TLE1: variants seen among roughly 807,000 people sequenced by gnomAD.
The protein encoded by TLE1 is transducin-like enhancer protein 1.
A neutral mutation model predicts 89.8 loss-of-function variants in TLE1; 21 were observed. That is an observed-to-expected ratio of 0.23 (90% CI 0.17 to 0.34). The LOEUF (loss-of-function observed/expected upper bound fraction) is 0.34, where lower values mean the gene tolerates loss of function less well. TLE1 is among the 10% of genes least tolerant of loss of function. The probability of loss-of-function intolerance (pLI) is 1.00; values close to 1 mark genes in which losing one functional copy is unlikely to be tolerated. For synonymous variants in TLE1, 447 were observed against 407.6 expected (o/e 1.10, Z -1.16); for missense variants, 795 against 1,031.2 (o/e 0.77, Z 3.14).
chr9:81,637,328 AG>A (rs771634197), intron 6 of TLE1, among the ~76,000 whole-genome samples: 2 of 152,230 alleles, frequency 1.3e-5, no homozygotes, highest in Non-Finnish European at 2.9e-5. Flanking sequence ...ACTGCACTCC[AG>A]CCTGGGTGAC....
intron 6 of TLE1, among the ~76,000 whole-genome samples, chr9:81,651,618 C>T (rs1410310865): frequency 6.6e-6 from 1 of 152,000 alleles, no homozygotes; most frequent in Admixed American, 6.6e-5. Flanking sequence ...TCTATAGGTT[C>T]GAATACCCCA....
chr9:81,656,910 A>T (rs1405843074), intron 4 of TLE1, among the ~76,000 whole-genome samples: 1 of 152,242 alleles, frequency 6.6e-6, no homozygotes, highest in Non-Finnish European at 1.5e-5. Flanking sequence ...GCATATTTTA[A>T]GTTGCAATGC....
intron 14 of TLE1, among the ~76,000 whole-genome samples, chr9:81,604,318 T>C (rs1481727234): frequency 6.6e-6 from 1 of 152,144 alleles, no homozygotes; most frequent in Non-Finnish European, 1.5e-5. Flanking sequence ...TGACAGGATC[T>C]GGATCTTAGT....
chr9:81,589,227 A>G (rs2131793270), intron 16 of TLE1, among the ~76,000 whole-genome samples: 1 of 152,004 alleles, frequency 6.6e-6, no homozygotes, highest in South Asian at 2.1e-4. Context: ...GACCTTTCTA[A>G]CTCATGAAAC....
chr9:81,608,797 C>T (rs1379658834), intron 14 of TLE1, among the ~76,000 whole-genome samples: 1 of 151,944 alleles, frequency 6.6e-6, no homozygotes, highest in Non-Finnish European at 1.5e-5. Context: ...ATTAGCCAGG[C>T]ATAGTGGCAT....
At chr9:81,619,388 C>T (rs1824952919) in intron 9 of TLE1, among the ~76,000 whole-genome samples, 1 of 152,296 alleles carries the variant, frequency 6.6e-6, no homozygotes, top group South Asian at 2.1e-4. Context: ...AGAGATACTA[C>T]AGCTGGCTCC....
intron 4 of TLE1, among the ~76,000 whole-genome samples, chr9:81,670,569 T>C (rs1285603538): frequency 6.6e-6 from 1 of 151,912 alleles, no homozygotes; most frequent in East Asian, 1.9e-4. Flanking sequence ...TCCTGACACC[T>C]TGTGATCTGC....
In TLE1 at chr9:81,613,447, G is replaced by C; in HGVS notation, c.993C>G (p.Thr331=). 6.2e-7 allele frequency: 1 copy of C among 1,614,196 alleles called. No homozygotes were observed. The highest frequency in any genetic ancestry group is 8.5e-7 in the Non-Finnish European group (1 of 1,180,034). ...TPRSDMPTPG[T]SATPGLRPGL... The stretch of plus-strand genomic sequence containing the variant: ...CTGGACGGAGGCCTGGAGTGGCGCT[G>C]GTGCCCGGCGTTGGCATGTCGCTCC... Residue 331 remains threonine (T), a synonymous_variant, in exon 12 of 20, where the codon ACC becomes ACG. Coordinates refer to ENST00000376499, the MANE Select transcript of TLE1 (RefSeq NM_005077.5).
chr9:81,674,555 C>A (rs1284655145), intron 4 of TLE1, among the ~76,000 whole-genome samples: 1 of 152,202 alleles, frequency 6.6e-6, no homozygotes, highest in Non-Finnish European at 1.5e-5. Context: ...AATCAGAGTC[C>A]TTTTGCAAAA....
chr9:81,620,947 T>C (rs762328282), intron 8 of TLE1: 3 of 513,772 alleles, frequency 5.8e-6, no homozygotes, highest in Admixed American at 2.0e-5. Flanking sequence ...TTAGACATAT[T>C]CTTTAACTGT....
chr9:81,584,406 CTG>C, intron 19 of TLE1, 40 bp downstream of exon 19: 1 of 1,612,688 alleles, frequency 6.2e-7, no homozygotes. Flanking sequence ...AGAGGCGACA[CTG>C]TGGTCAAACT....
In TLE1 at chr9:81,685,868, T is replaced by C. The variant is rs1834204018; in HGVS notation, c.154A>G (p.Ser52Gly). 3 of 1,613,718 alleles carry C rather than the reference T, an allele frequency of 1.9e-6. No individual in the cohort carries two copies. The highest frequency in any genetic ancestry group is 2.5e-6 in the Non-Finnish European group (3 of 1,180,012). The change falls in exon 3 of 20, where the codon AGT (serine) becomes GGT (glycine). Residue 52 changes from serine (S) to glycine (G), a missense_variant. Coordinates refer to ENST00000376499, the MANE Select transcript of TLE1 (RefSeq NM_005077.5). ...TGCCTCTGCATTTCTGTCTTTTCACTTGCCAGTTTCTCACATTCCAATTTA... is the reference window on the plus strand; with the variant it reads ...TGCCTCTGCATTTCTGTCTTTTCACCTGCCAGTTTCTCACATTCCAATTTA... ...SLKLECEKLA[S>G]EKTEMQRHYV...
chr9:81,604,623 C>T lies in TLE1; in HGVS notation c.1331+5597G>A, dbSNP rs540669587. On this transcript the variant is annotated intron_variant, in intron 14 of 19. Coordinates refer to ENST00000376499, the MANE Select transcript of TLE1 (RefSeq NM_005077.5). Reference sequence around the variant, plus strand: ...GCAGTGGGTCCCCCATCCTTGGACACGCACGGTCAGAGGCACACTGTCACT... The same window carrying T: ...GCAGTGGGTCCCCCATCCTTGGACATGCACGGTCAGAGGCACACTGTCACT... Among the ~76,000 whole-genome samples the T allele has an allele frequency of 2.6e-4, 40 of 152,268 alleles. No homozygotes were observed. The South Asian group carries it at 6.8e-3, about 26-fold the overall frequency.
intron 1 of TLE1, among the ~76,000 whole-genome samples, 158 bp from the exon 2 acceptor site, chr9:81,687,592 G>C (rs1048978396): frequency 2.0e-5 from 3 of 152,186 alleles, no homozygotes; most frequent in Non-Finnish European, 4.4e-5. Context: ...CTATGGGGAG[G>C]GGGAAAGCGG....
At chr9:81,675,709 T>G (rs988484041) in intron 4 of TLE1, among the ~76,000 whole-genome samples, 8 of 134,200 alleles carry the variant, frequency 6.0e-5, no homozygotes, top group Non-Finnish European at 1.3e-4. Context: ...TTTTTTTTTG[T>G]TTTTTTTTTT....
intron 4 of TLE1, among the ~76,000 whole-genome samples, chr9:81,679,780 T>C (rs1019503554): frequency 6.6e-6 from 1 of 151,972 alleles, no homozygotes; most frequent in African/African-American, 2.4e-5. Context: ...GGGGAGAGGG[T>C]AGGAAACGAA....
At chr9:81,674,474 C>T (rs1026473113) in intron 4 of TLE1, among the ~76,000 whole-genome samples, 1 of 152,216 alleles carries the variant, frequency 6.6e-6, no homozygotes, top group East Asian at 1.9e-4. Context: ...GTCCTTACCC[C>T]CTTACCACCC....
In TLE1 at chr9:81,593,105, T is replaced by C; in HGVS notation, c.1501A>G (p.Thr501Ala). 1.2e-6 allele frequency: 2 copies of C among 1,614,100 alleles called. No individual in the cohort carries two copies. Among genetic ancestry groups the C allele is most frequent in the Non-Finnish European group, 1.7e-6 (2 of 1,180,026 alleles). Residue 501 changes from threonine to alanine, a missense_variant, in exon 15 of 20, where the codon ACA (threonine) becomes GCA (alanine). Coordinates refer to ENST00000376499, the MANE Select transcript of TLE1 (RefSeq NM_005077.5). ...TISNPTRHVYTGGKGCVKVWD... is the reference protein window; with the variant it reads ...TISNPTRHVYAGGKGCVKVWD... ...ACCTTGACGCAGCCCTTCCCGCCTG[T>C]GTACACGTGTCTCGTGGGGTTGCTG...
At chr9:81,609,331 C>T (rs571939821) in intron 14 of TLE1, among the ~76,000 whole-genome samples, 42 of 152,252 alleles carry the variant, frequency 2.8e-4, no homozygotes, top group African/African-American at 8.9e-4. Context: ...GTGATCCACC[C>T]GCCTCAGCCT....
Sources: gnomAD v4.1 joint callset for allele counts (sites outside exome capture counted in the v4.1 genomes callset) on GRCh38, gnomAD v4.1.1 for gene constraint, MANE v1.5 for transcripts, NCBI Gene and HGNC (gene_info 2026-07-23, HGNC 2026-07-21) for gene names.